Variants in GUCY1A2 observed in about 807,000 individuals in gnomAD.
GUCY1A2 encodes the protein guanylate cyclase 1 soluble subunit alpha 2.
In GUCY1A2, 27 loss-of-function variants were observed where a neutral mutation model predicts 63.5. The observed-to-expected ratio is 0.43, with a 90% CI of 0.31 to 0.59. GUCY1A2 has a LOEUF of 0.59. Among genes scored for constraint, GUCY1A2 ranks in the 20% least tolerant of loss-of-function variants. GUCY1A2 has a pLI of 0.11. For synonymous variants in GUCY1A2, 364 were observed against 343.5 expected (o/e 1.06, Z -0.66); for missense variants, 768 against 913.3 (o/e 0.84, Z 2.05).
chr11:106,793,120 T>G (rs1864692121), intron 5 of GUCY1A2, among the ~76,000 whole-genome samples: 1 of 152,168 alleles, frequency 6.6e-6, no homozygotes, highest in African/African-American at 2.4e-5. Flanking sequence ...GATTTCAAAC[T>G]AATCACTACA....
chr11:106,948,211 T>A (rs1404319297), intron 3 of GUCY1A2, among the ~76,000 whole-genome samples: 3 of 152,160 alleles, frequency 2.0e-5, no homozygotes, highest in Non-Finnish European at 1.5e-5. Flanking sequence ...ATCACTCAAT[T>A]CTTTTTATTA....
intron 4 of GUCY1A2, among the ~76,000 whole-genome samples, chr11:106,902,691 C>T (rs756475414): frequency 2.3e-4 from 35 of 152,166 alleles, no homozygotes; most frequent in Admixed American, 2.0e-3. Flanking sequence ...AGAGCTTCAA[C>T]CAACCATAGT....
intron 6 of GUCY1A2, among the ~76,000 whole-genome samples, chr11:106,773,804 T>G (rs759022324): frequency 1.2e-4 from 18 of 152,192 alleles, no homozygotes; most frequent in Non-Finnish European, 2.4e-4. Context: ...CACAAAAATA[T>G]TCTCCTAATT....
At chr11:106,787,736 T>G (rs1377183989) in intron 5 of GUCY1A2, among the ~76,000 whole-genome samples, 1 of 151,696 alleles carries the variant, frequency 6.6e-6, no homozygotes, top group African/African-American at 2.4e-5. Flanking sequence ...TATGGCTGAA[T>G]AGTACCCCAT....
At chr11:106,758,350 G>A (rs964949177) in intron 6 of GUCY1A2, among the ~76,000 whole-genome samples, 1 of 152,200 alleles carries the variant, frequency 6.6e-6, no homozygotes, top group East Asian at 1.9e-4. Context: ...AACACAGTGG[G>A]AAAAGTGCAG....
At chr11:106,702,407 CT>C (rs1862831323) in intron 7 of GUCY1A2, among the ~76,000 whole-genome samples, 1 of 152,110 alleles carries the variant, frequency 6.6e-6, no homozygotes, top group Non-Finnish European at 1.5e-5. Flanking sequence ...AATATTATAA[CT>C]TCTTGAGTTT....
At position 106,681,798 on chromosome 11, in the gene GUCY1A2, C is replaced by G. The variant is rs1862438566; in HGVS notation, c.*5751G>C. 1.4e-5 allele frequency: 3 copies of G among 218,412 alleles called. No homozygotes were observed. The allele number at this position is 218,412 out of a possible 1,614,324, so 13.5% of individuals were successfully genotyped here. A position where few individuals can be genotyped will look rare whatever the true frequency, so the allele number is the denominator to read the frequency against. On this transcript the variant is annotated 3_prime_UTR_variant, in exon 8 of 8. Transcript: ENST00000526355. The stretch of plus-strand genomic sequence containing the variant: ...GCTTCATATGGCATCATCACCATGG[C>G]TTAAATTATTGCTTGAAAGGTTGTT...
chr11:107,011,738 C>G (rs1005687722), intron 1 of GUCY1A2, among the ~76,000 whole-genome samples: 4 of 148,734 alleles, frequency 2.7e-5, no homozygotes, highest in Non-Finnish European at 5.9e-5. Context: ...GAAAGTTCTA[C>G]TCTTCAGAAG....
At chr11:106,898,270 T>C (rs972464053) in intron 4 of GUCY1A2, among the ~76,000 whole-genome samples, 2 of 152,226 alleles carry the variant, frequency 1.3e-5, no homozygotes, top group Admixed American at 6.5e-5. Flanking sequence ...TACAGCCATT[T>C]TGGAAGACAG....
At chr11:106,839,008 T>C (rs1197528457) in intron 4 of GUCY1A2, among the ~76,000 whole-genome samples, 1 of 152,138 alleles carries the variant, frequency 6.6e-6, no homozygotes, top group Non-Finnish European at 1.5e-5. Context: ...ATTTTGGCTT[T>C]TGTTGCCATA....
rs892567801 is a variant in GUCY1A2 at position 106,803,560 on chromosome 11, C to T, written c.1692+6433G>A. ...CACACTCACACAGACACACGCGCTT[C>T]CCATATAGGACCAGATATACCTGTT... On this transcript the variant is annotated intron_variant, in intron 5 of 7. Transcript: ENST00000526355. 2.0e-5 allele frequency among the ~76,000 whole-genome samples: 3 copies of T among 152,048 alleles called. No homozygotes were observed. In the East Asian group the frequency reaches 5.8e-4, roughly 29 times the overall value.
intron 1 of GUCY1A2, among the ~76,000 whole-genome samples, chr11:107,017,468 T>C (rs1861839195): frequency 1.3e-5 from 2 of 151,924 alleles, no homozygotes; most frequent in African/African-American, 4.8e-5. Flanking sequence ...GGGGGAACAG[T>C]GGTGAAGTAG....
At chr11:106,692,963 C>A (rs78008722) in intron 7 of GUCY1A2, among the ~76,000 whole-genome samples, 5,514 of 152,252 alleles carry the variant, frequency 0.036, 292 homozygotes, top group East Asian at 0.15. Context: ...GACATCTGCA[C>A]GTTTGAAATC....
intron 4 of GUCY1A2, among the ~76,000 whole-genome samples, chr11:106,864,994 A>C (rs1002076167): frequency 2.0e-5 from 3 of 152,112 alleles, no homozygotes; most frequent in Non-Finnish European, 4.4e-5. Context: ...AAGGAATGGT[A>C]TCAGCTCCAC....
intron 1 of GUCY1A2, among the ~76,000 whole-genome samples, chr11:106,990,971 G>A (rs1861463119): frequency 6.6e-6 from 1 of 152,082 alleles, no homozygotes; most frequent in African/African-American, 2.4e-5. Context: ...TGCCTTTAAA[G>A]AAACATCCAT....
chr11:106,976,398 T>C (rs531494826), intron 3 of GUCY1A2, among the ~76,000 whole-genome samples: 24 of 152,066 alleles, frequency 1.6e-4, no homozygotes, highest in Admixed American at 9.9e-4. Flanking sequence ...TTCTCATATA[T>C]GATTACAGAA....
chr11:106,793,662 A>G (rs1172641074), intron 5 of GUCY1A2, among the ~76,000 whole-genome samples: 3 of 152,118 alleles, frequency 2.0e-5, no homozygotes, highest in Non-Finnish European at 2.9e-5. Flanking sequence ...TAGCAAAAAC[A>G]ACAAACAGCC....
intron 5 of GUCY1A2, among the ~76,000 whole-genome samples, chr11:106,780,076 G>A (rs909454651): frequency 8.5e-5 from 13 of 152,062 alleles, no homozygotes; most frequent in African/African-American, 2.7e-4. Flanking sequence ...ACTTGGAATT[G>A]CTAGAGCCCA....
At chr11:106,792,581 A>G (rs1279781303) in intron 5 of GUCY1A2, among the ~76,000 whole-genome samples, 3 of 152,100 alleles carry the variant, frequency 2.0e-5, no homozygotes, top group African/African-American at 7.2e-5. Context: ...CATGTTAAAA[A>G]CTCCCAATAA....
Sources: gnomAD v4.1 joint callset for allele counts (sites outside exome capture counted in the v4.1 genomes callset) on GRCh38, gnomAD v4.1.1 for gene constraint, MANE v1.5 for transcripts, NCBI Gene and HGNC (gene_info 2026-07-23, HGNC 2026-07-21) for gene names.